Variants in RUVBL2 observed in about 807,000 individuals in gnomAD.
RUVBL2 encodes the protein ruvB-like 2.
A neutral mutation model predicts 57.9 loss-of-function variants in RUVBL2; 9 were observed. That is an observed-to-expected ratio of 0.16 (90% CI 0.09 to 0.27). RUVBL2 has a LOEUF of 0.27. Ranked by LOEUF, RUVBL2 falls within the 10% of genes least tolerant of loss-of-function variation. The probability of loss-of-function intolerance (pLI) is 1.00; values close to 1 mark genes in which losing one functional copy is unlikely to be tolerated. For synonymous variants in RUVBL2, 278 were observed against 264.6 expected (o/e 1.05, Z -0.49); for missense variants, 456 against 669.6 (o/e 0.68, Z 3.52).
chr19:49,006,979 C>T (rs1183015119), intron 4 of RUVBL2, 39 bp from the exon 5 acceptor site: 1 of 1,601,604 alleles, frequency 6.2e-7, no homozygotes, highest in Admixed American at 1.7e-5. Context: ...GGACCTGGTG[C>T]CAGAGCGGCT....
rs572334664 is a variant in RUVBL2 at position 49,014,636 on chromosome 19, G to A, written c.1121+33G>A. 20 of 1,612,122 alleles carry A rather than the reference G, an allele frequency of 1.2e-5. No homozygotes were observed. The South Asian group carries it at 1.4e-4, about 12-fold the overall frequency. On this transcript the variant is annotated intron_variant, in intron 12 of 14. Coordinates refer to ENST00000595090, the MANE Select transcript of RUVBL2 (RefSeq NM_006666.3). ...CAGGACCAGGCCGTGCGCCTGAGAC[G>A]CAGGGCTGGGGTCTACCCTGTTTGA...
intron 2 of RUVBL2, among the ~76,000 whole-genome samples, chr19:49,000,978 G>A (rs2039167175): frequency 6.6e-6 from 1 of 151,756 alleles, no homozygotes; most frequent in Admixed American, 6.6e-5. Flanking sequence ...GTCACATAGT[G>A]TGATCCTGTC....
chr19:49,003,184 CT>C, intron 2 of RUVBL2, 94 bp from the exon 3 acceptor site: 1 of 1,030,272 alleles, frequency 9.7e-7, no homozygotes, highest in East Asian at 2.8e-5. Flanking sequence ...CCACCCACCC[CT>C]TTGACAAAGA....
At chr19:48,999,964 G>A (rs1325383811) in intron 2 of RUVBL2, among the ~76,000 whole-genome samples, 1 of 152,156 alleles carries the variant, frequency 6.6e-6, no homozygotes, top group African/African-American at 2.4e-5. Flanking sequence ...GAGCTTTACC[G>A]GCAGGGAAGT....
chr19:49,014,968 G>T, intron 12 of RUVBL2, 53 bp from the exon 13 acceptor site: 1 of 1,557,166 alleles, frequency 6.4e-7, no homozygotes, highest in Non-Finnish European at 8.7e-7. Context: ...CACTTCTGCT[G>T]CAGTCAGAGG....
At position 49,004,297 on chromosome 19, in the gene RUVBL2, T is replaced by G. The variant is rs1344694965; in HGVS notation, c.144T>G (p.Gly48=). The change falls in exon 4 of 15, where the codon GGT becomes GGG. Residue 48 remains glycine, a synonymous_variant. Coordinates refer to ENST00000595090, the MANE Select transcript of RUVBL2 (RefSeq NM_006666.3). The stretch of plus-strand genomic sequence containing the variant: ...CACAGGCTTCGCAAGGCATGGTGGG[T>G]CAGCTGGCGGCACGGCGGGCGGCTG... ...EPRQASQGMV[G]QLAARRAAGV... 1.2e-6 allele frequency: 2 copies of G among 1,612,168 alleles called. No homozygotes were observed. Among genetic ancestry groups the G allele is most frequent in the Admixed American group, 3.3e-5 (2 of 59,960 alleles).
Position 49,015,925 on chromosome 19 carries a change from C to T in RUVBL2, c.*83C>T. On this transcript the variant is annotated 3_prime_UTR_variant, in exon 15 of 15. Coordinates refer to ENST00000595090, the MANE Select transcript of RUVBL2 (RefSeq NM_006666.3). ...TCTGTATAAAATGGTTGGGAAGCTGCACCCACCCTGTGTATGTGTGGTTGC... is the reference window on the plus strand; with the variant it reads ...TCTGTATAAAATGGTTGGGAAGCTGTACCCACCCTGTGTATGTGTGGTTGC... 1 of 1,614,000 alleles carries T rather than the reference C, an allele frequency of 6.2e-7. No homozygotes were observed. The highest frequency in any genetic ancestry group is 2.2e-5 in the East Asian group (1 of 44,884).
At chr19:49,012,378 CAG>C (rs2039446382) in intron 11 of RUVBL2, among the ~76,000 whole-genome samples, 1 of 152,178 alleles carries the variant, frequency 6.6e-6, no homozygotes, top group Non-Finnish European at 1.5e-5. Flanking sequence ...GTGACTTGCC[CAG>C]GTCACAAGTC....
At chr19:49,013,863 G>A (rs938219704) in intron 11 of RUVBL2, among the ~76,000 whole-genome samples, 26 of 152,334 alleles carry the variant, frequency 1.7e-4, no homozygotes, top group South Asian at 6.2e-4. Flanking sequence ...GCAGTGAGCC[G>A]AGATCGCGCC....
chr19:49,013,414 G>C (rs879632241), intron 11 of RUVBL2, among the ~76,000 whole-genome samples: 1 of 151,448 alleles, frequency 6.6e-6, no homozygotes, highest in Non-Finnish European at 1.5e-5. Context: ...GGGGCCATTT[G>C]TTGGTGATAT....
intron 8 of RUVBL2, chr19:49,010,282 C>T: frequency 3.0e-6 from 2 of 676,832 alleles, no homozygotes; most frequent in Non-Finnish European, 5.0e-6. Context: ...TTCTAAGGTC[C>T]TCCGGGAGCC....
rs760149169 is a variant in RUVBL2 at position 49,009,764 on chromosome 19, C to A, written c.463-12C>A. ...TCTCTGAGCCCCATCCCTGGCTTGT[C>A]CCCACTCTCAGGGCTCCAAGGTGGG... On this transcript the variant is annotated splice_polypyrimidine_tract_variant and intron_variant, in intron 6 of 14. Transcript: ENST00000595090. The A allele has an allele frequency of 1.2e-6, 2 of 1,611,594 alleles. No individual in the cohort carries two copies. Among genetic ancestry groups the A allele is most frequent in the Admixed American group, 1.7e-5 (1 of 59,970 alleles).
rs538939728 is a variant in RUVBL2, at chr19:49,001,079, A to G, written c.67+1706A>G. Reference sequence around the variant, plus strand: ...AGAACTGCTTGAACCAAGGAGGTTCAGGATGTGGTGAGATGTGACTGCACC... The same window carrying G: ...AGAACTGCTTGAACCAAGGAGGTTCGGGATGTGGTGAGATGTGACTGCACC... On this transcript the variant is annotated intron_variant, in intron 2 of 14. Coordinates refer to ENST00000595090, the MANE Select transcript of RUVBL2 (RefSeq NM_006666.3). 2.0e-5 allele frequency among the ~76,000 whole-genome samples: 3 copies of G among 151,708 alleles called. No homozygotes were observed. In the South Asian group the frequency reaches 6.3e-4, roughly 32 times the overall value.
chr19:49,015,157 C>A lies in RUVBL2; in HGVS notation c.1251+7C>A. On this transcript the variant is annotated splice_region_variant and intron_variant, in intron 13 of 14. Transcript: ENST00000595090. ...GGTGTGCCGGAAACGCAAGGTCAGC[C>A]GGCCGAATTAGCCAGCAGGGCCAGA... The A allele has an allele frequency of 1.2e-6, 2 of 1,604,760 alleles. No homozygotes were observed. Among genetic ancestry groups the A allele is most frequent in the Non-Finnish European group, 1.7e-6 (2 of 1,176,726 alleles).
rs1177821569 is a variant in RUVBL2 at position 49,011,978 on chromosome 19, C to T, written c.1001+668C>T. Among the ~76,000 whole-genome samples the T allele has an allele frequency of 1.3e-5, 2 of 152,152 alleles. No individual in the cohort carries two copies. Among genetic ancestry groups the T allele is most frequent in the East Asian group, 1.9e-4 (1 of 5,190 alleles). Reference sequence around the variant, plus strand: ...GATTACGGGCACCTGCCACCATGCCCGCTGGCTGTCTTCTCCACCTCGCCA... The same window carrying T: ...GATTACGGGCACCTGCCACCATGCCTGCTGGCTGTCTTCTCCACCTCGCCA... On this transcript the variant is annotated intron_variant, in intron 11 of 14. Transcript: ENST00000595090. This position sits in a 1 kb window ranked among gnomAD's most constrained non-coding sequence, Gnocchi z 4.4.
rs2042250 is a variant in RUVBL2, at chr19:49,010,276, A to C, written c.663+210A>C. 7.4e-6 allele frequency: 5 copies of C among 680,060 alleles called. No homozygotes were observed. Among genetic ancestry groups the C allele is most frequent in the Admixed American group, 2.8e-5 (1 of 35,926 alleles). 42.1% of individuals were successfully genotyped at this position (680,060 alleles called of 1,614,324 possible). A position where few individuals can be genotyped will look rare whatever the true frequency, so the allele number is the denominator to read the frequency against. ...TGGCCACATGTGGCCTGTGGCTTCT[A>C]AGGTCCTCCGGGAGCCCCCGTGACC... On this transcript the variant is annotated intron_variant, in intron 8 of 14. Transcript: ENST00000595090.
chr19:49,011,377 C>T lies in RUVBL2; in HGVS notation c.1001+67C>T. 1 of 1,268,650 alleles carries T rather than the reference C, an allele frequency of 7.9e-7. No individual in the cohort carries two copies. Among genetic ancestry groups the T allele is most frequent in the Admixed American group, 1.7e-5 (1 of 58,882 alleles). 78.6% of individuals were successfully genotyped at this position (1,268,650 alleles called of 1,614,324 possible). On this transcript the variant is annotated intron_variant, in intron 11 of 14. Transcript: ENST00000595090. This position sits in a 1 kb window ranked among gnomAD's most constrained non-coding sequence, Gnocchi z 4.4. Reference sequence around the variant, plus strand: ...TGGGCAGTGGGTGTGGTCAGAGGGTCAATGGGAGCCTGTGTTGACACCGGG... The same window carrying T: ...TGGGCAGTGGGTGTGGTCAGAGGGTTAATGGGAGCCTGTGTTGACACCGGG...
intron 13 of RUVBL2, 31 bp downstream of exon 13, chr19:49,015,181 G>T (rs2039520130): frequency 6.3e-7 from 1 of 1,595,674 alleles, no homozygotes; most frequent in Non-Finnish European, 8.5e-7. Context: ...AGCAGGGCCA[G>T]ATGGCGGCAG....
intron 2 of RUVBL2, among the ~76,000 whole-genome samples, chr19:49,000,294 C>A (rs1483151436): frequency 6.6e-6 from 1 of 152,272 alleles, no homozygotes; most frequent in Non-Finnish European, 1.5e-5. Flanking sequence ...GTGGCTCATG[C>A]CTGTAATTCC....
Sources: gnomAD v4.1 joint callset for allele counts (sites outside exome capture counted in the v4.1 genomes callset) on GRCh38, gnomAD v4.1.1 for gene constraint, Gnocchi (gnomAD v3.1) non-coding constraint, MANE v1.5 for transcripts, NCBI Gene and HGNC (gene_info 2026-07-23, HGNC 2026-07-21) for gene names.